SORL1: variants seen among roughly 807,000 people sequenced by gnomAD.
SORL1 encodes the protein sortilin related receptor 1, also known as sortilin-related receptor.
In SORL1, 127 loss-of-function variants were observed where a neutral mutation model predicts 273.7. That is an observed-to-expected ratio of 0.46 (90% CI 0.40 to 0.54). SORL1 has a LOEUF of 0.54. Ranked by LOEUF, SORL1 falls within the 20% of genes least tolerant of loss-of-function variation. The pLI is 0.00. For synonymous variants in SORL1, 1,031 were observed against 1,067.4 expected, an observed-to-expected ratio of 0.97 and a Z score of 0.66; for missense variants, 2,494 against 2,846.1, an observed-to-expected ratio of 0.88 and a Z score of 2.81.
At chr11:121,486,558 C>T (rs986678842) in intron 3 of SORL1, among the ~76,000 whole-genome samples, 34 of 151,272 alleles carry the variant, frequency 2.2e-4, no homozygotes, top group African/African-American at 8.0e-4. Context: ...TGGCTCACTG[C>T]AAGCTCCGCC....
intron 21 of SORL1, among the ~76,000 whole-genome samples, chr11:121,561,709 G>T (rs1436874503): frequency 6.8e-6 from 1 of 146,354 alleles, no homozygotes; most frequent in Non-Finnish European, 1.5e-5. Context: ...AAAAAAAAAG[G>T]CTGGGGGAGA....
intron 17 of SORL1, 62 bp from the exon 18 acceptor site, chr11:121,555,125 C>G: frequency 6.5e-7 from 1 of 1,529,686 alleles, no homozygotes; most frequent in East Asian, 2.4e-5. Context: ...CTTCATGGGA[C>G]TGACTTGGCA....
intron 11 of SORL1, 42 bp downstream of exon 11, chr11:121,523,031 C>T (rs772968606): frequency 1.5e-6 from 2 of 1,312,156 alleles, no homozygotes; most frequent in Non-Finnish European, 2.2e-6. Flanking sequence ...ACCCTCATTC[C>T]CATTTGTGTG....
chr11:121,549,209 T>A (rs1353566242), intron 14 of SORL1, among the ~76,000 whole-genome samples: 1 of 152,068 alleles, frequency 6.6e-6, no homozygotes, highest in Non-Finnish European at 1.5e-5. Context: ...TAAATAACAT[T>A]GAACCCCTAG....
chr11:121,471,650 T>C (rs1181545165), intron 2 of SORL1, among the ~76,000 whole-genome samples: 2 of 152,230 alleles, frequency 1.3e-5, no homozygotes, highest in Non-Finnish European at 2.9e-5. Flanking sequence ...TGAATGCGGA[T>C]TTGGTCTCTG....
At chr11:121,511,964 T>A (rs1323843984) in intron 6 of SORL1, among the ~76,000 whole-genome samples, 1 of 152,236 alleles carries the variant, frequency 6.6e-6, no homozygotes, top group African/African-American at 2.4e-5. Context: ...TAGTCATTTG[T>A]ATGATTATGT....
intron 22 of SORL1, among the ~76,000 whole-genome samples, chr11:121,567,634 C>G (rs372136875): frequency 6.6e-6 from 1 of 152,314 alleles, no homozygotes; most frequent in African/African-American, 2.4e-5. Context: ...GAGTCTAGAC[C>G]TTATGCCATG....
chr11:121,623,708 AT>A (rs1290851229), intron 45 of SORL1, among the ~76,000 whole-genome samples: 5 of 152,214 alleles, frequency 3.3e-5, no homozygotes, highest in Non-Finnish European at 7.3e-5. Flanking sequence ...GCCAGTCGCC[AT>A]TAGGGGATCC....
intron 32 of SORL1, among the ~76,000 whole-genome samples, chr11:121,599,095 C>T (rs539277057): frequency 4.6e-5 from 7 of 152,160 alleles, no homozygotes; most frequent in African/African-American, 1.7e-4. Flanking sequence ...TAAACTATTC[C>T]TGTTGGAACT....
chr11:121,622,199 A>G lies in SORL1; in HGVS notation c.6102A>G (p.Thr2034=). 1 of 1,612,536 alleles carries G rather than the reference A, an allele frequency of 6.2e-7. No homozygotes were observed. The highest frequency in any genetic ancestry group is 8.5e-7 in the Non-Finnish European group (1 of 1,179,200). ...CACCTGATGCCTTAAAAATCATAAC[A>G]GAAAATGATCATGTTCTTCTGTTTT... ...LSAPDALKII[T]ENDHVLLFWK... is the part of the protein sequence containing the mutation. The change falls in exon 45 of 48, where the codon ACA becomes ACG. Residue 2034 remains threonine (T), a synonymous_variant. Coordinates refer to ENST00000260197, the MANE Select transcript of SORL1 (RefSeq NM_003105.6).
intron 47 of SORL1, chr11:121,629,217 TAA>T (rs750877424): frequency 1.8e-5 from 8 of 444,988 alleles, no homozygotes; most frequent in African/African-American, 5.9e-5. Context: ...GAGTAGGTAA[TAA>T]GAGTCTTCTC....
intron 6 of SORL1, among the ~76,000 whole-genome samples, 179 bp from the exon 7 acceptor site, chr11:121,512,824 G>C (rs1356943713): frequency 6.6e-6 from 1 of 152,188 alleles, no homozygotes; most frequent in Non-Finnish European, 1.5e-5. Flanking sequence ...AGATGAAGCA[G>C]TACAACCCAA....
chr11:121,501,577 CCTCACAATCAA>C (rs1418006874), intron 6 of SORL1, among the ~76,000 whole-genome samples: 7 of 152,170 alleles, frequency 4.6e-5, no homozygotes, highest in African/African-American at 1.7e-4. Context: ...GCTGGAGAGG[CCTCACAATCAA>C]GGCGGAAGGT....
At chr11:121,585,500 T>TACACACACACACACACAC (rs58254356) in intron 26 of SORL1, among the ~76,000 whole-genome samples, 7 of 137,486 alleles carry the variant, frequency 5.1e-5, no homozygotes, top group African/African-American at 1.4e-4. Context: ...AAAATGTATA[T>TACACACACACACACACAC]ACACACACAC....
At chr11:121,515,867 A>T (rs1000669891) in intron 8 of SORL1, among the ~76,000 whole-genome samples, 1 of 152,086 alleles carries the variant, frequency 6.6e-6, no homozygotes, top group Non-Finnish European at 1.5e-5. Context: ...GGCTGATCTC[A>T]AACTCCTGAC....
chr11:121,512,398 G>A (rs1861893365), intron 6 of SORL1, among the ~76,000 whole-genome samples: 2 of 152,092 alleles, frequency 1.3e-5, no homozygotes, highest in African/African-American at 2.4e-5. Flanking sequence ...AATGTGATGT[G>A]GTCAACATCA....
chr11:121,619,020 T>A (rs960749920), intron 42 of SORL1, 127 bp downstream of exon 42: 6 of 923,782 alleles, frequency 6.5e-6, no homozygotes, highest in Non-Finnish European at 1.0e-5. Flanking sequence ...AGAGGCAACT[T>A]CCTCTTCTTC....
rs57842880 is a variant in SORL1 at position 121,502,124 on chromosome 11, C to CTTTTTTTTTTTTTT, written c.939+5091_939+5104dup. Among the ~76,000 whole-genome samples the CTTTTTTTTTTTTTT allele has an allele frequency of 3.2e-4, 21 of 65,182 alleles. 4 individuals are homozygous for CTTTTTTTTTTTTTT. The highest frequency in any genetic ancestry group is 1.9e-3 in the East Asian group (4 of 2,152). The allele number at this position is 65,182 out of a possible 152,430, so 42.8% of individuals were successfully genotyped here. A position where few individuals can be genotyped will look rare whatever the true frequency, so the allele number is the denominator to read the frequency against. ...GTAACTACTGGGTCATGTGACAATTCTTTTTTTTTTTTTTTTTTTTTTTTT... is the reference window on the plus strand; with the variant it reads ...GTAACTACTGGGTCATGTGACAATTCTTTTTTTTTTTTTTTTTTTTTTTTTTTTTTTTTTTTTTT... On this transcript the variant is annotated intron_variant, in intron 6 of 47. Transcript: ENST00000260197.
intron 22 of SORL1, among the ~76,000 whole-genome samples, chr11:121,568,048 G>A (rs1180969604): frequency 6.6e-6 from 1 of 152,064 alleles, no homozygotes; most frequent in African/African-American, 2.4e-5. Flanking sequence ...CTACAGGCAC[G>A]AGCCCAGCTA....
Sources: allele counts gnomAD v4.1 joint callset (sites outside exome capture counted in the v4.1 genomes callset), GRCh38; gene constraint gnomAD v4.1.1; transcripts MANE v1.5; gene names NCBI Gene and HGNC (gene_info 2026-07-23, HGNC 2026-07-21).